Variants in TBC1D5 observed in about 807,000 individuals in gnomAD.
TBC1D5 encodes TBC1 domain family member 5, also known as TBC1 domain family, member 5.
A neutral mutation model predicts 100.3 loss-of-function variants in TBC1D5; 75 were observed. That is an observed-to-expected ratio of 0.75 (90% confidence interval 0.62 to 0.91). The LOEUF (loss-of-function observed/expected upper bound fraction) is 0.91, where lower values mean the gene tolerates loss of function less well. Ranked by LOEUF, TBC1D5 falls within the 40% of genes least tolerant of loss-of-function variation. The pLI is 0.00. For synonymous variants in TBC1D5, 323 were observed against 325.6 expected, an observed-to-expected ratio of 0.99 and a Z score of 0.09; for missense variants, 910 against 942.4, an observed-to-expected ratio of 0.97 and a Z score of 0.45.
At chr3:17,601,343 T>A (rs1158257564) in intron 2 of TBC1D5, among the ~76,000 whole-genome samples, 1 of 152,108 alleles carries the variant, frequency 6.6e-6, no homozygotes, top group Admixed American at 6.6e-5. Flanking sequence ...AAACCCCGTC[T>A]CTACTAAAAA....
At chr3:17,256,029 C>T (rs2733494) in intron 16 of TBC1D5, among the ~76,000 whole-genome samples, 59,958 of 152,008 alleles carry the variant, frequency 0.39, 12,566 homozygotes, top group Middle Eastern at 0.5. Context: ...AAGCGAGACT[C>T]GGTCTCAAAA....
intron 3 of TBC1D5, among the ~76,000 whole-genome samples, chr3:17,461,019 T>C (rs909354492): frequency 2.0e-5 from 3 of 152,200 alleles, no homozygotes; most frequent in East Asian, 1.9e-4. Context: ...CACAGAACAG[T>C]TGGATTATGC....
chr3:17,270,789 T>C (rs1005480022), intron 15 of TBC1D5, among the ~76,000 whole-genome samples: 8 of 152,150 alleles, frequency 5.3e-5, no homozygotes, highest in Non-Finnish European at 1.2e-4. Context: ...AGGTAATTGT[T>C]GTATATGGTG....
At chr3:17,396,741 T>C (rs550248427) in intron 8 of TBC1D5, among the ~76,000 whole-genome samples, 104 of 152,204 alleles carry the variant, frequency 6.8e-4, no homozygotes, top group African/African-American at 2.3e-3. Flanking sequence ...CTGTAAAAAT[T>C]CATGTCATTT....
At chr3:17,376,156 A>G (rs1157315709) in intron 10 of TBC1D5, among the ~76,000 whole-genome samples, 1 of 152,180 alleles carries the variant, frequency 6.6e-6, no homozygotes, top group African/African-American at 2.4e-5. Flanking sequence ...ATAATCTCAT[A>G]TATAAAGTCT....
At chr3:17,336,400 A>G (rs1233278798) in intron 13 of TBC1D5, among the ~76,000 whole-genome samples, 1 of 152,074 alleles carries the variant, frequency 6.6e-6, no homozygotes, top group Admixed American at 6.6e-5. Context: ...GGTATCTTAC[A>G]TATAAAGTTT....
chr3:17,566,005 G>T (rs1410187660), intron 2 of TBC1D5, among the ~76,000 whole-genome samples: 3 of 151,928 alleles, frequency 2.0e-5, no homozygotes, highest in Non-Finnish European at 2.9e-5. Context: ...GGAAAATCAT[G>T]AAACTAAAGC....
intron 3 of TBC1D5, among the ~76,000 whole-genome samples, chr3:17,480,994 A>G (rs1448134857): frequency 6.6e-6 from 1 of 152,186 alleles, no homozygotes. Flanking sequence ...GTGGGCAATC[A>G]AAAGGAGAGA....
At chr3:17,186,036 TTTTTTTTTTTTTAAGAGAAAAA>T (rs1186745255) in intron 18 of TBC1D5, among the ~76,000 whole-genome samples, 1 of 144,580 alleles carries the variant, frequency 6.9e-6, no homozygotes, top group East Asian at 1.9e-4. Flanking sequence ...TTATCGGAGT[TTTTTTTTTTTTTAAGAGAAAAA>T]GAATAATCCT....
In TBC1D5 at chr3:17,492,396, T is replaced by C. The variant is rs973039763; in HGVS notation, c.97+16078A>G. On this transcript the variant is annotated intron_variant, in intron 3 of 21. Coordinates refer to ENST00000253692, the Ensembl canonical transcript of TBC1D5. ...GTGATGTTAGGATGTTGACTTAAGA[T>C]CTTCCTAGCTTTTTGTTAAGGGTAT... 5.3e-5 allele frequency among the ~76,000 whole-genome samples: 8 copies of C among 152,200 alleles called. No homozygotes were observed. In the South Asian group the frequency reaches 1.5e-3, roughly 28 times the overall value.
At chr3:17,532,991 T>C (rs1254445797) in intron 2 of TBC1D5, among the ~76,000 whole-genome samples, 1 of 140,692 alleles carries the variant, frequency 7.1e-6, no homozygotes, top group Non-Finnish European at 1.5e-5. Flanking sequence ...TATAATAAAA[T>C]TAAAAAAAAA....
rs202222893 is a variant in TBC1D5, at chr3:17,529,652, TTTA to T, written c.-35-21050_-35-21048del. Among the ~76,000 whole-genome samples, 1,097 of 151,724 alleles carry T rather than the reference TTTA, an allele frequency of 7.2e-3. 10 individuals carry two copies. The highest frequency in any genetic ancestry group is 0.019 in the South Asian group (93 of 4,814). ...AGAAGGCATTATTATTATTATTATT[TTTA>T]TTTTTTTTTGAGACAGAGTCTTGTT... On this transcript the variant is annotated intron_variant, in intron 2 of 21. Transcript: ENST00000253692.
At chr3:17,224,655 A>G (rs1171130502) in intron 17 of TBC1D5, among the ~76,000 whole-genome samples, 2 of 152,220 alleles carry the variant, frequency 1.3e-5, no homozygotes, top group Admixed American at 1.3e-4. Context: ...TTGTAACAAA[A>G]TAGGGTAATG....
intron 15 of TBC1D5, among the ~76,000 whole-genome samples, chr3:17,280,685 T>C (rs2080487247): frequency 6.6e-6 from 1 of 152,170 alleles, no homozygotes; most frequent in Non-Finnish European, 1.5e-5. Context: ...AGAGCCACTT[T>C]CATCAGCAAT....
intron 13 of TBC1D5, among the ~76,000 whole-genome samples, chr3:17,322,795 G>T (rs1011358832): frequency 6.6e-6 from 1 of 152,064 alleles, no homozygotes; most frequent in Non-Finnish European, 1.5e-5. Context: ...AACAGAAAAC[G>T]AACTACTACA....
chr3:17,395,577 C>T (rs1315838858), intron 8 of TBC1D5, among the ~76,000 whole-genome samples: 2 of 151,970 alleles, frequency 1.3e-5, no homozygotes, highest in South Asian at 2.1e-4. Flanking sequence ...ACTTTTTAAC[C>T]TTCTCATAAT....
At chr3:17,347,248 G>A (rs1488299463) in intron 13 of TBC1D5, among the ~76,000 whole-genome samples, 1 of 152,064 alleles carries the variant, frequency 6.6e-6, no homozygotes, top group African/African-American at 2.4e-5. Flanking sequence ...ATTCGTTTTT[G>A]TCTAACTCAT....
chr3:17,674,511 AT>A (rs1231114445), intron 1 of TBC1D5, among the ~76,000 whole-genome samples: 1 of 152,178 alleles, frequency 6.6e-6, no homozygotes, highest in Admixed American at 6.5e-5. Context: ...GAAGTATGTC[AT>A]GCAATATTGT....
intron 2 of TBC1D5, among the ~76,000 whole-genome samples, chr3:17,595,205 A>G (rs1184241571): frequency 6.6e-6 from 1 of 152,168 alleles, no homozygotes; most frequent in Non-Finnish European, 1.5e-5. Context: ...CCTTGTGATC[A>G]TTTCAGTTAA....
Sources: gnomAD v4.1 joint callset for allele counts (sites outside exome capture counted in the v4.1 genomes callset) on GRCh38, gnomAD v4.1.1 for gene constraint, MANE v1.5 for transcripts, NCBI Gene and HGNC (gene_info 2026-07-23, HGNC 2026-07-21) for gene names.